CCDC102B: variants seen among roughly 807,000 people sequenced by gnomAD.
CCDC102B encodes the protein coiled-coil domain-containing protein 102B.
CCDC102B carries 75 observed loss-of-function variants against 57.4 expected under a neutral mutation model. The ratio of observed to expected loss-of-function variants is 1.31; its 90% CI spans 1.08 to 1.58. The LOEUF (loss-of-function observed/expected upper bound fraction) is 1.58, where lower values mean the gene tolerates loss of function less well. CCDC102B is among the 40% of genes most tolerant of loss of function. The pLI is 0.00. For missense variants in CCDC102B, 636 were observed against 582.6 expected (o/e 1.09, Z -0.94); for synonymous variants, 206 against 201.9 (o/e 1.02, Z -0.17).
At chr18:68,849,300 G>C (rs1397976330) in intron 4 of CCDC102B, among the ~76,000 whole-genome samples, 1 of 152,086 alleles carries the variant, frequency 6.6e-6, no homozygotes, top group Admixed American at 6.6e-5. Flanking sequence ...TTAGAAATAG[G>C]TGTATGGTGG....
intron 4 of CCDC102B, among the ~76,000 whole-genome samples, chr18:68,873,861 T>C (rs2144928020): frequency 6.6e-6 from 1 of 151,702 alleles, no homozygotes; most frequent in South Asian, 2.1e-4. Flanking sequence ...TAGCTTAAAA[T>C]ATATGTCAAT....
intron 6 of CCDC102B, among the ~76,000 whole-genome samples, chr18:68,959,540 G>A (rs890931747): frequency 2.0e-5 from 3 of 152,066 alleles, no homozygotes; most frequent in East Asian, 1.9e-4. Context: ...CTAAGGGCTC[G>A]ATATTCTGCA....
At chr18:68,994,414 C>T (rs1171355245) in intron 6 of CCDC102B, among the ~76,000 whole-genome samples, 1 of 152,024 alleles carries the variant, frequency 6.6e-6, no homozygotes, top group African/African-American at 2.4e-5. Context: ...CAGGGACACA[C>T]TCTCATACCC....
intron 5 of CCDC102B, among the ~76,000 whole-genome samples, chr18:68,896,687 A>C (rs760110916): frequency 6.6e-5 from 10 of 151,876 alleles, no homozygotes; most frequent in South Asian, 2.1e-4. Flanking sequence ...TAAAATGATA[A>C]ATTATATATA....
chr18:68,854,534 A>C (rs866067451), intron 4 of CCDC102B, among the ~76,000 whole-genome samples: 1 of 152,186 alleles, frequency 6.6e-6, no homozygotes, highest in African/African-American at 2.4e-5. Flanking sequence ...CAGCTCAGAA[A>C]TATAAAAAAA....
intron 6 of CCDC102B, among the ~76,000 whole-genome samples, chr18:68,982,094 G>A (rs182941896): frequency 7.9e-5 from 12 of 152,020 alleles, no homozygotes; most frequent in Admixed American, 3.9e-4. Context: ...GAGATAATAT[G>A]GTATGAGACA....
chr18:69,011,104 G>A lies in CCDC102B; in HGVS notation c.1434G>A (p.Glu478=). Residue 478 remains glutamate (E), a splice_region_variant and synonymous_variant, in exon 7 of 8, where the codon GAG becomes GAA. Coordinates refer to ENST00000360242, the MANE Select transcript of CCDC102B (RefSeq NM_024781.3). The part of the protein sequence containing the change: ...LKQGLNQKED[E]LDDSLNQIRK... ...AGGGACTCAATCAAAAAGAAGATGA[G>A]GTACTACTTTATGAGTGAACACGTG... 1.2e-6 allele frequency: 2 copies of A among 1,612,082 alleles called. No individual in the cohort carries two copies. Among genetic ancestry groups the A allele is most frequent in the East Asian group, 4.5e-5 (2 of 44,828 alleles).
intron 3 of CCDC102B, among the ~76,000 whole-genome samples, chr18:68,841,654 T>C (rs1389449631): frequency 6.6e-6 from 1 of 152,176 alleles, no homozygotes; most frequent in Non-Finnish European, 1.5e-5. Flanking sequence ...AGACCTCCTT[T>C]ATCACTTGTA....
intron 1 of CCDC102B, among the ~76,000 whole-genome samples, chr18:68,832,098 T>C (rs2037165611): frequency 6.7e-6 from 1 of 149,352 alleles, no homozygotes; most frequent in Non-Finnish European, 1.5e-5. Context: ...ACAGGTCCTA[T>C]GCTTTTTAGG....
chr18:68,818,548 C>G (rs991078194), intron 1 of CCDC102B, among the ~76,000 whole-genome samples: 3 of 152,164 alleles, frequency 2.0e-5, no homozygotes, highest in Non-Finnish European at 4.4e-5. Flanking sequence ...GTCATTACCA[C>G]TCCAACTAAG....
At chr18:68,806,953 A>C (rs930346516) in intron 1 of CCDC102B, among the ~76,000 whole-genome samples, 1 of 152,186 alleles carries the variant, frequency 6.6e-6, no homozygotes, top group Non-Finnish European at 1.5e-5. Context: ...AAGACAGCAC[A>C]GGTTTAATAC....
intron 1 of CCDC102B, among the ~76,000 whole-genome samples, chr18:68,805,277 G>A (rs1652080170): frequency 6.6e-6 from 1 of 152,156 alleles, no homozygotes; most frequent in South Asian, 2.1e-4. Context: ...ATTTAATCAG[G>A]GAAAAATATT....
At chr18:68,862,598 A>G (rs1008355945) in intron 4 of CCDC102B, among the ~76,000 whole-genome samples, 1 of 152,140 alleles carries the variant, frequency 6.6e-6, no homozygotes, top group African/African-American at 2.4e-5. Flanking sequence ...TATTACATGT[A>G]TGTTACAAAG....
chr18:68,980,212 G>C (rs2050541813), intron 6 of CCDC102B, among the ~76,000 whole-genome samples: 2 of 151,186 alleles, frequency 1.3e-5, no homozygotes, highest in South Asian at 4.2e-4. Flanking sequence ...ACCATTCTTA[G>C]TGGTCCAAGA....
At chr18:68,952,490 G>T (rs1157094306) in intron 6 of CCDC102B, among the ~76,000 whole-genome samples, 1 of 152,088 alleles carries the variant, frequency 6.6e-6, no homozygotes, top group African/African-American at 2.4e-5. Context: ...CTGGGATAAA[G>T]GAACCAGGAA....
At chr18:68,752,682 A>G (rs144520511) in intron 2 of CCDC102B, among the ~76,000 whole-genome samples, 22 of 152,308 alleles carry the variant, frequency 1.4e-4, no homozygotes, top group East Asian at 3.9e-4. Context: ...GATTTATTCA[A>G]TGTGATTGTT....
chr18:69,043,820 A>G (rs1599891870), intron 7 of CCDC102B, among the ~76,000 whole-genome samples: 1 of 152,202 alleles, frequency 6.6e-6, no homozygotes, highest in Non-Finnish European at 1.5e-5. Flanking sequence ...TTTTCCCCAC[A>G]GTTCCTATCC....
chr18:68,928,003 A>C (rs1370318408), intron 6 of CCDC102B, among the ~76,000 whole-genome samples: 1 of 151,896 alleles, frequency 6.6e-6, no homozygotes, highest in Admixed American at 6.6e-5. Flanking sequence ...ATGATAGTCA[A>C]GCACTTGAAG....
chr18:68,862,975 C>T (rs1850696149), intron 4 of CCDC102B, among the ~76,000 whole-genome samples: 1 of 151,814 alleles, frequency 6.6e-6, no homozygotes, highest in Non-Finnish European at 1.5e-5. Flanking sequence ...GCATGTATCT[C>T]AAAACATAGA....
Sources: allele counts gnomAD v4.1 joint callset (sites outside exome capture counted in the v4.1 genomes callset), GRCh38; gene constraint gnomAD v4.1.1; transcripts MANE v1.5; gene names NCBI Gene and HGNC (gene_info 2026-07-23, HGNC 2026-07-21).